Variants in SENP6 observed in about 807,000 individuals in gnomAD.
SENP6 encodes sentrin-specific protease 6.
Under a neutral mutation model 134.5 loss-of-function variants are expected in SENP6, and 41 were observed. That is an observed-to-expected ratio of 0.30 (90% confidence interval 0.24 to 0.40). The LOEUF is 0.40. SENP6 is among the 10% of genes least tolerant of loss of function. SENP6 has a pLI of 1.00. For synonymous variants in SENP6, 395 were observed against 429.8 expected, an observed-to-expected ratio of 0.92 and a Z score of 1.00; for missense variants, 1,248 against 1,312.5, an observed-to-expected ratio of 0.95 and a Z score of 0.76.
Position 75,697,412 on chromosome 6 carries a change from CTCTT to C in SENP6, c.2196-8_2196-5del, listed in dbSNP as rs1774732179. 1.3e-6 allele frequency: 2 copies of C among 1,565,858 alleles called. No homozygotes were observed. The highest frequency in any genetic ancestry group is 1.7e-6 in the Non-Finnish European group (2 of 1,143,962). On this transcript the variant is annotated splice_polypyrimidine_tract_variant and intron_variant, in intron 17 of 23. Transcript: ENST00000447266. ...AATATTTCAGAAGCTTATAATTTAT[CTCTT>C]TCTTACAGAATACAGCAAAAACGGC...
intron 11 of SENP6, among the ~76,000 whole-genome samples, chr6:75,672,327 T>C (rs1210554236): frequency 6.6e-6 from 1 of 152,242 alleles, no homozygotes. Context: ...TAAAGCTGTT[T>C]ATGAAGAACT....
At chr6:75,692,977 A>C (rs905937234) in intron 16 of SENP6, among the ~76,000 whole-genome samples, 1 of 152,160 alleles carries the variant, frequency 6.6e-6, no homozygotes, top group Non-Finnish European at 1.5e-5. Flanking sequence ...AGGAAGAGGT[A>C]AGAGGATGGC....
intron 1 of SENP6, among the ~76,000 whole-genome samples, chr6:75,615,372 G>T (rs1034364170): frequency 6.6e-6 from 1 of 151,740 alleles, no homozygotes; most frequent in Non-Finnish European, 1.5e-5. Context: ...TAGAGACGGG[G>T]TTTCGCAGCA....
At chr6:75,609,505 G>T (rs1305917198) in intron 1 of SENP6, among the ~76,000 whole-genome samples, 1 of 152,152 alleles carries the variant, frequency 6.6e-6, no homozygotes, top group African/African-American at 2.4e-5. Flanking sequence ...TGGGAAGAAT[G>T]ACAAATAATT....
intron 1 of SENP6, among the ~76,000 whole-genome samples, chr6:75,603,741 T>C (rs781355514): frequency 6.6e-6 from 1 of 152,098 alleles, no homozygotes; most frequent in Non-Finnish European, 1.5e-5. Flanking sequence ...AGGTACTCAG[T>C]GTTAGTCTAG....
intron 1 of SENP6, among the ~76,000 whole-genome samples, chr6:75,615,327 G>A (rs984713720): frequency 7.2e-5 from 11 of 151,896 alleles, no homozygotes; most frequent in Non-Finnish European, 1.2e-4. Context: ...TTACAGGTGC[G>A]CGCCACCATG....
Position 75,695,844 on chromosome 6 carries a change from C to T in SENP6, c.2116C>T (p.Arg706Ter). The T allele has an allele frequency of 2.5e-6, 4 of 1,603,366 alleles. No individual in the cohort carries two copies. The highest frequency in any genetic ancestry group is 3.4e-6 in the Non-Finnish European group (4 of 1,174,950). Residue 706 changes from arginine to a stop codon, truncating the protein, a stop_gained, in exon 17 of 24, where the codon CGA becomes TGA. Transcript: ENST00000447266. LOFTEE classifies it high-confidence loss of function. ...LEKLKKEDADRIHIFSSFFYK... is the reference protein window; with the variant it reads ...LEKLKKEDAD Reference sequence around the variant, plus strand: ...AAAACTGAAGAAGGAAGACGCTGACCGAATTCATATATTCAGTTCTTTTTT... The same window carrying T: ...AAAACTGAAGAAGGAAGACGCTGACTGAATTCATATATTCAGTTCTTTTTT...
chr6:75,698,474 C>T (rs1261483551), intron 18 of SENP6, among the ~76,000 whole-genome samples: 1 of 151,830 alleles, frequency 6.6e-6, no homozygotes. Context: ...ATAAGCCTAG[C>T]TGTGCCAAGC....
At chr6:75,664,192 G>C (rs1772010988) in intron 9 of SENP6, among the ~76,000 whole-genome samples, 1 of 151,840 alleles carries the variant, frequency 6.6e-6, no homozygotes, top group Non-Finnish European at 1.5e-5. Flanking sequence ...TCAGGAGACT[G>C]AGATGAGAGA....
At chr6:75,675,167 C>G (rs182120690) in intron 11 of SENP6, among the ~76,000 whole-genome samples, 34 of 151,568 alleles carry the variant, frequency 2.2e-4, no homozygotes, top group African/African-American at 8.0e-4. Context: ...ACATGTACCC[C>G]TGAACCTAAA....
At chr6:75,684,473 G>T (rs1052907114) in intron 16 of SENP6, among the ~76,000 whole-genome samples, 4 of 152,158 alleles carry the variant, frequency 2.6e-5, no homozygotes, top group Non-Finnish European at 5.9e-5. Flanking sequence ...CTTGTCTTGT[G>T]CTGGTTTTCA....
chr6:75,696,106 T>C (rs1263343263), intron 17 of SENP6, among the ~76,000 whole-genome samples, 183 bp downstream of exon 17: 1 of 152,246 alleles, frequency 6.6e-6, no homozygotes, highest in East Asian at 1.9e-4. Flanking sequence ...TGGGTTCATA[T>C]TCACCTTCCT....
At chr6:75,632,499 A>G (rs1371179574) in intron 3 of SENP6, among the ~76,000 whole-genome samples, 1 of 152,188 alleles carries the variant, frequency 6.6e-6, no homozygotes, top group Admixed American at 6.5e-5. Context: ...ACATTTTGTT[A>G]TTATTAAATG....
At chr6:75,656,606 C>G (rs545950808) in intron 7 of SENP6, among the ~76,000 whole-genome samples, 1 of 152,174 alleles carries the variant, frequency 6.6e-6, no homozygotes, top group South Asian at 2.1e-4. Context: ...CTCTTCTTTC[C>G]CTAGAAAATG....
chr6:75,679,373 T>A (rs1479312930), intron 16 of SENP6: 2 of 157,258 alleles, frequency 1.3e-5, no homozygotes, highest in Admixed American at 1.3e-4. Context: ...GCCACTGCAC[T>A]CCAGCCTGGT....
At chr6:75,661,371 T>C (rs1390929765) in intron 8 of SENP6, among the ~76,000 whole-genome samples, 1 of 152,230 alleles carries the variant, frequency 6.6e-6, no homozygotes, top group Non-Finnish European at 1.5e-5. Flanking sequence ...TTAGCCTAGG[T>C]AAAGGAGGAG....
At chr6:75,656,523 C>T (rs1412381399) in intron 7 of SENP6, among the ~76,000 whole-genome samples, 1 of 152,168 alleles carries the variant, frequency 6.6e-6, no homozygotes, top group African/African-American at 2.4e-5. Flanking sequence ...AGCTTTTTGC[C>T]ATTTTATGTT....
intron 19 of SENP6, among the ~76,000 whole-genome samples, chr6:75,705,924 CCTTTTTTTTTTTTTTTTTTTT>C (rs1343170959): frequency 1.1e-5 from 1 of 89,280 alleles, no homozygotes; most frequent in Non-Finnish European, 2.2e-5. Context: ...TATTTTTGAG[CCTTTTTTTTTTTTTTTTTTTT>C]TTTTTTTTTG....
At chr6:75,687,107 T>C (rs1393871565) in intron 16 of SENP6, among the ~76,000 whole-genome samples, 3 of 152,206 alleles carry the variant, frequency 2.0e-5, no homozygotes, top group Admixed American at 1.3e-4. Flanking sequence ...TTTTACTTTT[T>C]TTTCTCTAAC....
Sources: gnomAD v4.1 joint callset for allele counts (sites outside exome capture counted in the v4.1 genomes callset) on GRCh38, gnomAD v4.1.1 for gene constraint, MANE v1.5 for transcripts, NCBI Gene and HGNC (gene_info 2026-07-23, HGNC 2026-07-21) for gene names.